Variants in TUSC3 observed in about 807,000 individuals in gnomAD.
TUSC3 encodes the protein dolichyl-diphosphooligosaccharide--protein glycosyltransferase subunit TUSC3.
In TUSC3, 45 loss-of-function variants were observed where a neutral mutation model predicts 44.8. That is an observed-to-expected ratio of 1.00 (90% CI 0.79 to 1.29). The LOEUF is 1.29. TUSC3 is among the 50% of genes most tolerant of loss of function. The pLI is 0.00. For missense variants in TUSC3, 519 were observed against 437.9 expected (o/e 1.19, Z -1.65); for synonymous variants, 212 against 152.9 (o/e 1.39, Z -2.85).
intron 1 of TUSC3, among the ~76,000 whole-genome samples, chr8:15,582,857 G>C (rs1803431189): frequency 6.6e-6 from 1 of 152,192 alleles, no homozygotes; most frequent in African/African-American, 2.4e-5. Context: ...AATATGATAT[G>C]TAACACTTCT....
intron 2 of TUSC3, among the ~76,000 whole-genome samples, chr8:15,520,854 C>G (rs1048233549): frequency 4.6e-5 from 7 of 152,176 alleles, no homozygotes; most frequent in African/African-American, 1.7e-4. Flanking sequence ...AGTTCCTGTC[C>G]TTATAGTCTC....
At chr8:15,508,662 C>T (rs1260381451) in intron 2 of TUSC3, among the ~76,000 whole-genome samples, 1 of 151,908 alleles carries the variant, frequency 6.6e-6, no homozygotes, top group Admixed American at 6.6e-5. Flanking sequence ...CAGGTTTCAC[C>T]GTGTTAGCCA....
chr8:15,731,533 C>G (rs1161477237), intron 7 of TUSC3, among the ~76,000 whole-genome samples: 3 of 152,028 alleles, frequency 2.0e-5, no homozygotes, highest in African/African-American at 4.8e-5. Flanking sequence ...TCATCTAGGC[C>G]AAACCTCATT....
chr8:15,425,110 G>C (rs1017130720), intron 1 of TUSC3, among the ~76,000 whole-genome samples: 1 of 152,138 alleles, frequency 6.6e-6, no homozygotes, highest in African/African-American at 2.4e-5. Context: ...GCTTTGCAGA[G>C]GTAGGCAAAG....
At chr8:15,568,605 CTTTTTT>C (rs113701042) in intron 1 of TUSC3, among the ~76,000 whole-genome samples, 147 of 140,752 alleles carry the variant, frequency 1.0e-3, no homozygotes, top group African/African-American at 3.5e-3. Context: ...TACACAAATT[CTTTTTT>C]TTTTTTTTTC....
intron 7 of TUSC3, among the ~76,000 whole-genome samples, chr8:15,733,886 A>G (rs1810824926): frequency 1.3e-5 from 2 of 152,130 alleles, no homozygotes; most frequent in African/African-American, 4.8e-5. Context: ...TCTACAAAAA[A>G]TTACAAAATT....
At chr8:15,825,245 A>G in the TUSC3 span, among the ~76,000 whole-genome samples, 1 of 152,104 alleles carries the variant, frequency 6.6e-6, no homozygotes, top group Non-Finnish European at 1.5e-5. Context: ...ATAAAGACAT[A>G]CCTGAGGCTG....
At chr8:15,713,322 C>T (rs1336098410) in intron 6 of TUSC3, among the ~76,000 whole-genome samples, 1 of 152,088 alleles carries the variant, frequency 6.6e-6, no homozygotes, top group East Asian at 1.9e-4. Flanking sequence ...GTTTAATTTA[C>T]ATGCTTGTAA....
intron 2 of TUSC3, among the ~76,000 whole-genome samples, chr8:15,523,702 GTGTGTGTATA>G (rs1801333637): frequency 2.7e-5 from 3 of 112,044 alleles, no homozygotes; most frequent in Admixed American, 1.7e-4. Context: ...GTGTGTGTGT[GTGTGTGTATA>G]TATATATATA....
chr8:15,562,185 T>C (rs1306310729), intron 1 of TUSC3, among the ~76,000 whole-genome samples: 2 of 152,154 alleles, frequency 1.3e-5, no homozygotes, highest in African/African-American at 4.8e-5. Flanking sequence ...CACTACACAA[T>C]TACTGCGTGA....
intron 7 of TUSC3, among the ~76,000 whole-genome samples, chr8:15,740,466 A>T (rs887442688): frequency 4.0e-5 from 6 of 151,778 alleles, no homozygotes; most frequent in Non-Finnish European, 5.9e-5. Context: ...GGAAAAAAAA[A>T]TGTTGTCCTC....
chr8:15,621,947 C>T (rs958848154), intron 1 of TUSC3, among the ~76,000 whole-genome samples: 2 of 151,966 alleles, frequency 1.3e-5, no homozygotes, highest in African/African-American at 2.4e-5. Context: ...TTTTCCTGTT[C>T]AAGTGGGTGC....
At chr8:15,503,753 G>A (rs115422132) in intron 2 of TUSC3, among the ~76,000 whole-genome samples, 1,579 of 151,924 alleles carry the variant, frequency 0.01, 28 homozygotes, top group African/African-American at 0.036. Context: ...CTGTAATTCC[G>A]GCACTTTGGG....
chr8:15,734,647 ATACAGTGAGACAAATG>A (rs1354523434), intron 7 of TUSC3, among the ~76,000 whole-genome samples: 1 of 152,244 alleles, frequency 6.6e-6, no homozygotes, highest in East Asian at 1.9e-4. Flanking sequence ...AATACTTATA[ATACAGTGAGACAAATG>A]TATGCGAAGG....
At chr8:15,582,783 C>G (rs1278533088) in intron 1 of TUSC3, among the ~76,000 whole-genome samples, 1 of 152,192 alleles carries the variant, frequency 6.6e-6, no homozygotes, top group African/African-American at 2.4e-5. Context: ...GAAGATTAGT[C>G]TTAATCAGTT....
intron 2 of TUSC3, among the ~76,000 whole-genome samples, chr8:15,500,676 A>T (rs550752759): frequency 2.2e-4 from 33 of 152,342 alleles, no homozygotes; most frequent in African/African-American, 7.5e-4. Flanking sequence ...TAAAACACTC[A>T]GTAAAAACAG....
At chr8:15,558,658 C>G (rs1802349410) in intron 1 of TUSC3, among the ~76,000 whole-genome samples, 2 of 117,744 alleles carry the variant, frequency 1.7e-5, no homozygotes, top group African/African-American at 3.0e-5. Flanking sequence ...GGTTGGTAAG[C>G]TATTGATTAT....
chr8:15,459,349 G>A (rs887251813), intron 1 of TUSC3, among the ~76,000 whole-genome samples: 1 of 151,890 alleles, frequency 6.6e-6, no homozygotes, highest in African/African-American at 2.4e-5. Flanking sequence ...CAGTATTCTT[G>A]CTTAACTGTG....
chr8:15,612,579 C>G (rs778907089), intron 1 of TUSC3, among the ~76,000 whole-genome samples: 1 of 151,914 alleles, frequency 6.6e-6, no homozygotes, highest in Non-Finnish European at 1.5e-5. Context: ...TACTGAGTTG[C>G]TATAAAGTTA....
Sources: allele counts gnomAD v4.1 joint callset (sites outside exome capture counted in the v4.1 genomes callset), GRCh38; gene constraint gnomAD v4.1.1; transcripts MANE v1.5; gene names NCBI Gene and HGNC (gene_info 2026-07-23, HGNC 2026-07-21).